UBE2D3: variants seen among roughly 807,000 people sequenced by gnomAD.
UBE2D3 encodes ubiquitin-conjugating enzyme E2 D3.
Under a neutral mutation model 22.8 loss-of-function variants are expected in UBE2D3, and 2 were observed. The ratio of observed to expected loss-of-function variants is 0.09; its 90% CI spans 0.04 to 0.28. The LOEUF is 0.28. Ranked by LOEUF, UBE2D3 falls within the 10% of genes least tolerant of loss-of-function variation. The pLI, the probability that UBE2D3 is intolerant of heterozygous loss-of-function variation, is 1.00. For missense variants in UBE2D3, 27 were observed against 182.5 expected (o/e 0.15, Z 4.91); for synonymous variants, 56 against 60.4 (o/e 0.93, Z 0.34).
intron 1 of UBE2D3, chr4:102,826,976 G>C (rs947256894): frequency 2.0e-6 from 2 of 998,606 alleles, no homozygotes; most frequent in African/African-American, 1.7e-5. Context: ...CTAGGGCAAA[G>C]AAAGGCAAGG....
At chr4:102,838,316 A>C (rs1478342755) in intron 1 of UBE2D3, among the ~76,000 whole-genome samples, 10 of 151,760 alleles carry the variant, frequency 6.6e-5, no homozygotes. Flanking sequence ...GAAGTATTAC[A>C]GTTTGATAGT....
At chr4:102,819,929 AC>A (rs1323292773) in intron 2 of UBE2D3, among the ~76,000 whole-genome samples, 3 of 152,250 alleles carry the variant, frequency 2.0e-5, no homozygotes, top group Non-Finnish European at 2.9e-5. Context: ...GACTCAAAAG[AC>A]AAGATTTGTA....
At chr4:102,850,224 G>T (rs1732270083) in intron 1 of UBE2D3, among the ~76,000 whole-genome samples, 1 of 152,168 alleles carries the variant, frequency 6.6e-6, no homozygotes, top group South Asian at 2.1e-4. Flanking sequence ...GAAATCAGAA[G>T]AGTGGTTACA....
At chr4:102,828,022 A>C (rs1331132979), upstream of UBE2D3, 3 of 985,286 alleles carry the variant, frequency 3.0e-6, no homozygotes. Flanking sequence ...ACTTAAGAGC[A>C]GTTTTGTGCG....
At chr4:102,808,473 C>A (rs914871889) in intron 4 of UBE2D3, among the ~76,000 whole-genome samples, 1 of 152,136 alleles carries the variant, frequency 6.6e-6, no homozygotes, top group African/African-American at 2.4e-5. Flanking sequence ...TGATCCAGGA[C>A]GTTTCAAAGT....
upstream of UBE2D3, chr4:102,827,582 CT>C (rs577801036): frequency 1.4e-3 from 1,416 of 986,988 alleles, 16 homozygotes; most frequent in African/African-American, 0.023. Flanking sequence ...GCCCCTCCCC[CT>C]CCTCCTGCCT....
intron 2 of UBE2D3, among the ~76,000 whole-genome samples, chr4:102,818,812 G>A (rs1437414691): frequency 6.6e-6 from 1 of 151,968 alleles, no homozygotes; most frequent in East Asian, 1.9e-4. Context: ...GCCTGCAAAT[G>A]GTTTATCTTG....
At chr4:102,810,878 G>A (rs1424875275) in intron 2 of UBE2D3, 1 of 151,454 alleles carries the variant, frequency 6.6e-6, no homozygotes, top group Non-Finnish European at 1.5e-5. Flanking sequence ...ACAATAAATA[G>A]AACCAATGTT....
intron 2 of UBE2D3, chr4:102,825,920 G>C (rs890627536): frequency 2.6e-6 from 1 of 382,698 alleles, no homozygotes; most frequent in Non-Finnish European, 5.2e-6. Context: ...CCACTTATTC[G>C]GTGTAACCTG....
intron 1 of UBE2D3, among the ~76,000 whole-genome samples, chr4:102,856,307 C>A (rs1456259949): frequency 1.3e-5 from 2 of 152,186 alleles, no homozygotes; most frequent in Non-Finnish European, 2.9e-5. Context: ...GCAGAGGCTG[C>A]AGTGAGCTGA....
intron 7 of UBE2D3, chr4:102,798,884 G>A (rs1177165941): frequency 8.2e-6 from 13 of 1,592,234 alleles, no homozygotes; most frequent in Non-Finnish European, 9.5e-6. Flanking sequence ...CTCAAGTGCT[G>A]GCAGTACCAT....
intron 1 of UBE2D3, among the ~76,000 whole-genome samples, chr4:102,857,895 T>C (rs1448704202): frequency 1.3e-5 from 2 of 151,916 alleles, no homozygotes; most frequent in Non-Finnish European, 1.5e-5. Flanking sequence ...GGTTTCACCA[T>C]GTTGGCCAGG....
At chr4:102,827,720 T>G, upstream of UBE2D3, 1 of 984,954 alleles carries the variant, frequency 1.0e-6, no homozygotes, top group South Asian at 4.7e-5. Flanking sequence ...CTTTTCCTTC[T>G]TCTCGGAACA....
intron 4 of UBE2D3, among the ~76,000 whole-genome samples, chr4:102,808,720 G>T (rs1219837293): frequency 6.6e-6 from 1 of 152,098 alleles, no homozygotes; most frequent in Non-Finnish European, 1.5e-5. Flanking sequence ...GATCGACAGG[G>T]ATGTTTATTA....
intron 1 of UBE2D3, among the ~76,000 whole-genome samples, chr4:102,861,128 C>G (rs930630524): frequency 2.0e-5 from 3 of 152,028 alleles, no homozygotes; most frequent in African/African-American, 4.8e-5. Flanking sequence ...TCACTTGACT[C>G]TTACTTTCCT....
At chr4:102,817,333 A>C (rs1044754267) in intron 2 of UBE2D3, among the ~76,000 whole-genome samples, 3 of 152,180 alleles carry the variant, frequency 2.0e-5, no homozygotes, top group Admixed American at 6.5e-5. Context: ...ATGAGTTTTG[A>C]TTTTTAAATA....
chr4:102,825,889 T>TCATTC (rs1426963793), intron 2 of UBE2D3: 4 of 420,544 alleles, frequency 9.5e-6, no homozygotes, highest in Non-Finnish European at 1.9e-5. Flanking sequence ...CAACACTGTG[T>TCATTC]CATTCCATCT....
At chr4:102,858,962 G>A (rs1732755140) in intron 1 of UBE2D3, among the ~76,000 whole-genome samples, 1 of 151,916 alleles carries the variant, frequency 6.6e-6, no homozygotes, top group South Asian at 2.1e-4. Flanking sequence ...ACAGTATTCT[G>A]AATGTAACTC....
At chr4:102,809,458 A>G (rs1341345110) in intron 4 of UBE2D3, 3 of 564,930 alleles carry the variant, frequency 5.3e-6, no homozygotes, top group Non-Finnish European at 6.3e-6. Context: ...AGAGATGGCT[A>G]TACTCTAGAA....
Sources: allele counts gnomAD v4.1 joint callset (sites outside exome capture counted in the v4.1 genomes callset), GRCh38; gene constraint gnomAD v4.1.1; transcripts MANE v1.5; gene names NCBI Gene and HGNC (gene_info 2026-07-23, HGNC 2026-07-21).